Variants in DKK3 observed in about 807,000 individuals in gnomAD.
The protein encoded by DKK3 is dickkopf Wnt signaling pathway inhibitor 3, also known as dickkopf-related protein 3.
Under a neutral mutation model 33.2 loss-of-function variants are expected in DKK3, and 22 were observed. The observed-to-expected ratio is 0.66, with a 90% confidence interval of 0.47 to 0.95. DKK3 has a LOEUF of 0.95. Among genes scored for constraint, DKK3 ranks in the 40% least tolerant of loss-of-function variants. The pLI is 0.00. For missense variants in DKK3, 398 were observed against 458.4 expected (o/e 0.87, Z 1.20); for synonymous variants, 194 against 188.8 (o/e 1.03, Z -0.23).
intron 3 of DKK3, among the ~76,000 whole-genome samples, chr11:11,976,420 A>C (rs1387839609): frequency 2.0e-5 from 3 of 152,254 alleles, no homozygotes; most frequent in Non-Finnish European, 2.9e-5. Flanking sequence ...TCGTCCTCAC[A>C]CTATCCTGTC....
At chr11:11,980,381 T>G (rs1847930310) in intron 3 of DKK3, among the ~76,000 whole-genome samples, 1 of 152,226 alleles carries the variant, frequency 6.6e-6, no homozygotes, top group South Asian at 2.1e-4. Context: ...CATGAGTTCC[T>G]GTAAGACTGT....
At chr11:11,984,783 C>T (rs1012800572) in intron 3 of DKK3, among the ~76,000 whole-genome samples, 5 of 152,060 alleles carry the variant, frequency 3.3e-5, no homozygotes, top group East Asian at 1.9e-4. Context: ...GGGTGGGGGA[C>T]GGCGCCTGGG....
At chr11:12,003,368 C>T (rs894098829) in intron 1 of DKK3, among the ~76,000 whole-genome samples, 6 of 152,250 alleles carry the variant, frequency 3.9e-5, no homozygotes, top group Admixed American at 2.6e-4. Flanking sequence ...AACCAGTTCC[C>T]GGGGTCCACA....
At chr11:11,973,161 G>A (rs73417303) in intron 3 of DKK3, among the ~76,000 whole-genome samples, 5,567 of 152,264 alleles carry the variant, frequency 0.037, 327 homozygotes, top group African/African-American at 0.13. Flanking sequence ...ACTAGTGCCC[G>A]CCACCTGGCA....
chr11:12,001,380 A>C (rs1029600934), intron 2 of DKK3, among the ~76,000 whole-genome samples: 3 of 152,204 alleles, frequency 2.0e-5, no homozygotes, highest in Non-Finnish European at 2.9e-5. Context: ...GGCACATAAA[A>C]ATTGATCCCC....
chr11:11,968,332 G>A (rs1317069131), intron 4 of DKK3, 63 bp downstream of exon 4: 6 of 1,512,444 alleles, frequency 4.0e-6, no homozygotes. Flanking sequence ...TGGGGCCCCT[G>A]GCTTTCTCCC....
intron 4 of DKK3, among the ~76,000 whole-genome samples, chr11:11,967,460 C>T (rs540008402): frequency 8.5e-5 from 13 of 152,274 alleles, no homozygotes; most frequent in Non-Finnish European, 1.6e-4. Context: ...AATGATGAGC[C>T]GATTAAACTA....
At chr11:12,005,905 GATTA>G (rs1254785955) in intron 1 of DKK3, among the ~76,000 whole-genome samples, 3 of 152,102 alleles carry the variant, frequency 2.0e-5, no homozygotes, top group African/African-American at 7.2e-5. Context: ...AGTATTTTAA[GATTA>G]ATTTTTAATG....
chr11:11,990,563 G>A (rs1237098042), intron 3 of DKK3, among the ~76,000 whole-genome samples: 1 of 152,180 alleles, frequency 6.6e-6, no homozygotes, highest in African/African-American at 2.4e-5. Flanking sequence ...ATACAGTACA[G>A]GACATGGTAA....
chr11:11,972,451 T>C (rs1215110745), intron 3 of DKK3, among the ~76,000 whole-genome samples: 1 of 152,200 alleles, frequency 6.6e-6, no homozygotes, highest in Non-Finnish European at 1.5e-5. Flanking sequence ...AGGTGGGAAG[T>C]GGCCTGTATG....
intron 1 of DKK3, among the ~76,000 whole-genome samples, chr11:12,005,168 G>T (rs925122128): frequency 1.3e-5 from 2 of 152,152 alleles, no homozygotes; most frequent in Admixed American, 6.5e-5. Context: ...CCTAGAATTT[G>T]CTCTGGGCTG....
chr11:11,968,265 C>T lies in DKK3; in HGVS notation c.528+130G>A, dbSNP rs1426596595. On this transcript the variant is annotated intron_variant, in intron 4 of 6. Coordinates refer to ENST00000683431, the MANE Select transcript of DKK3 (RefSeq NM_001018057.2). The stretch of plus-strand genomic sequence containing the variant: ...TCCAGGAGTCAGCCCTCTGGGGAGC[C>T]CTCTTGGGTCCTCCCCATCATGGTG... 4 of 765,952 alleles carry T rather than the reference C, an allele frequency of 5.2e-6. No individual in the cohort carries two copies. In the African/African-American group the frequency reaches 7.2e-5, roughly 14 times the overall value. The allele number at this position is 765,952 out of a possible 1,614,324, so 47.4% of individuals were successfully genotyped here.
intron 3 of DKK3, among the ~76,000 whole-genome samples, chr11:11,989,320 A>T (rs894549294): frequency 6.6e-6 from 1 of 152,246 alleles, no homozygotes; most frequent in African/African-American, 2.4e-5. Context: ...CCAAGGGTGC[A>T]TTGACAAATG....
chr11:11,964,086 C>T lies in DKK3; in HGVS notation c.*378G>A, dbSNP rs896325861. ...TGTTTGCAAAGCAGGGCACTCTTCT[C>T]CACATTTCCCCAAAACCAATCAGAG... On this transcript the variant is annotated 3_prime_UTR_variant, in exon 7 of 7. Transcript: ENST00000683431. 1 of 220,852 alleles carries T rather than the reference C, an allele frequency of 4.5e-6. No homozygotes were observed. The highest frequency in any genetic ancestry group is 2.3e-5 in the African/African-American group (1 of 44,056). The allele number at this position is 220,852 out of a possible 1,614,324, so 13.7% of individuals were successfully genotyped here.
intron 5 of DKK3, among the ~76,000 whole-genome samples, chr11:11,966,402 G>A (rs1847595434): frequency 6.6e-6 from 1 of 152,208 alleles, no homozygotes; most frequent in Non-Finnish European, 1.5e-5. Context: ...AGCCTAAGGA[G>A]TCTGAACATC....
intron 4 of DKK3, among the ~76,000 whole-genome samples, chr11:11,968,146 AAAC>A (rs1180913005): frequency 1.3e-5 from 2 of 152,110 alleles, no homozygotes; most frequent in Non-Finnish European, 2.9e-5. Context: ...TCAATGACAC[AAAC>A]AACATGACCA....
intron 3 of DKK3, among the ~76,000 whole-genome samples, chr11:11,985,247 A>G (rs1251207475): frequency 6.6e-6 from 1 of 152,162 alleles, no homozygotes; most frequent in African/African-American, 2.4e-5. Flanking sequence ...TCCAGCACCA[A>G]GGAGCCCGGC....
intron 3 of DKK3, among the ~76,000 whole-genome samples, chr11:11,976,055 C>T (rs1201051706): frequency 2.0e-5 from 3 of 152,188 alleles, no homozygotes; most frequent in Non-Finnish European, 4.4e-5. Context: ...TAGCGTGGAT[C>T]TCTATTTGCA....
chr11:11,988,831 G>GT (rs1848127417), intron 3 of DKK3, among the ~76,000 whole-genome samples: 1 of 152,226 alleles, frequency 6.6e-6, no homozygotes, highest in Non-Finnish European at 1.5e-5. Flanking sequence ...TTTTCAGCAT[G>GT]TTGGCTACAG....
Sources: allele counts gnomAD v4.1 joint callset (sites outside exome capture counted in the v4.1 genomes callset), GRCh38; gene constraint gnomAD v4.1.1; transcripts MANE v1.5; gene names NCBI Gene and HGNC (gene_info 2026-07-23, HGNC 2026-07-21).